Variants in CDIN1 observed in about 807,000 individuals in gnomAD.
CDIN1 encodes CDAN1 interacting nuclease 1.
CDIN1 carries 33 observed loss-of-function variants against 45.3 expected under a neutral mutation model. The ratio of observed to expected loss-of-function variants is 0.73; its 90% confidence interval spans 0.55 to 0.97. The LOEUF (loss-of-function observed/expected upper bound fraction) is 0.97. Among genes scored for constraint, CDIN1 ranks in the 50% least tolerant of loss-of-function variants. The pLI, the probability that CDIN1 is intolerant of heterozygous loss-of-function variation, is 0.00. For missense variants in CDIN1, 303 were observed against 339.4 expected (o/e 0.89, Z 0.84); for synonymous variants, 118 against 124.4 (o/e 0.95, Z 0.34).
chr15:36,639,861 T>C (rs1416477489), intron 1 of CDIN1, among the ~76,000 whole-genome samples: 2 of 152,298 alleles, frequency 1.3e-5, no homozygotes, highest in East Asian at 3.9e-4. Flanking sequence ...TTTTTTTTTA[T>C]AGTTGATTAC....
intron 10 of CDIN1, among the ~76,000 whole-genome samples, chr15:36,786,829 G>C (rs1369242329): frequency 1.3e-5 from 2 of 152,066 alleles, no homozygotes; most frequent in African/African-American, 2.4e-5. Flanking sequence ...GAGATGTCTT[G>C]CTCCTTATCC....
At chr15:36,594,069 T>A (rs2037707165) in intron 1 of CDIN1, among the ~76,000 whole-genome samples, 1 of 152,212 alleles carries the variant, frequency 6.6e-6, no homozygotes, top group African/African-American at 2.4e-5. Flanking sequence ...TTTTTGCAGT[T>A]CTGCTAATCA....
intron 1 of CDIN1, among the ~76,000 whole-genome samples, chr15:36,585,929 G>A (rs6495847): frequency 0.36 from 55,401 of 151,864 alleles, 10,260 homozygotes; most frequent in Middle Eastern, 0.46. Context: ...AACCTGTACT[G>A]TGACTCACAA....
intron 1 of CDIN1, among the ~76,000 whole-genome samples, chr15:36,591,446 T>C (rs12441787): frequency 0.58 from 88,218 of 152,068 alleles, 25,876 homozygotes; most frequent in Middle Eastern, 0.68. Flanking sequence ...AAAAAGCCCA[T>C]AGACTCTTCC....
intron 1 of CDIN1, among the ~76,000 whole-genome samples, chr15:36,609,671 C>T (rs1475359215): frequency 6.6e-6 from 1 of 152,192 alleles, no homozygotes; most frequent in Non-Finnish European, 1.5e-5. Context: ...CATCACCTTT[C>T]CTGGGCCAGA....
chr15:36,618,106 C>T, intron 1 of CDIN1: 2 of 736,652 alleles, frequency 2.7e-6, no homozygotes, highest in Non-Finnish European at 2.5e-6. Context: ...CACCACTGGC[C>T]CGCTTTCCCA....
rs1207811025 is a variant in CDIN1 at position 36,592,233 on chromosome 15, TTCC to T, written c.101+12273_101+12275del. 1.9e-4 allele frequency among the ~76,000 whole-genome samples: 29 copies of T among 152,332 alleles called. No individual in the cohort carries two copies. In the East Asian group the frequency reaches 5.4e-3, roughly 28 times the overall value. On this transcript the variant is annotated intron_variant, in intron 1 of 10. Transcript: ENST00000566621. Reference sequence around the variant, plus strand: ...TACAGCCAGTGGATGCTGGTGCTCTTTCCAGCTTGTGAGAGCTGATGGTGAGCA... The same window carrying T: ...TACAGCCAGTGGATGCTGGTGCTCTTAGCTTGTGAGAGCTGATGGTGAGCA...
chr15:36,654,511 G>GA (rs2040703022), intron 4 of CDIN1, among the ~76,000 whole-genome samples: 1 of 76,358 alleles, frequency 1.3e-5, no homozygotes. Flanking sequence ...AGAGATGGAT[G>GA]CCAAAAAAAA....
intron 10 of CDIN1, among the ~76,000 whole-genome samples, chr15:36,786,774 G>A (rs1376937764): frequency 6.6e-6 from 1 of 151,916 alleles, no homozygotes; most frequent in Non-Finnish European, 1.5e-5. Context: ...TCCATCTCTG[G>A]GGTGTAACTG....
At chr15:36,595,897 C>T (rs2037802852) in intron 1 of CDIN1, among the ~76,000 whole-genome samples, 1 of 152,222 alleles carries the variant, frequency 6.6e-6, no homozygotes, top group African/African-American at 2.4e-5. Flanking sequence ...GACGGCATAT[C>T]ATCAGTAACT....
intron 10 of CDIN1, among the ~76,000 whole-genome samples, chr15:36,800,913 A>ATATATATATATG (rs2055018628): frequency 1.4e-5 from 1 of 71,838 alleles, no homozygotes; most frequent in East Asian, 4.7e-4. Context: ...GTGTGTGTAT[A>ATATATATATATG]TATATATATA....
At chr15:36,658,744 A>G (rs183001356) in intron 5 of CDIN1, among the ~76,000 whole-genome samples, 308 of 152,336 alleles carry the variant, frequency 2.0e-3, no homozygotes, top group African/African-American at 6.3e-3. Flanking sequence ...AGTAGAAGAT[A>G]ATACCTGCTA....
At chr15:36,659,356 A>C (rs1380315626) in intron 5 of CDIN1, among the ~76,000 whole-genome samples, 2 of 152,186 alleles carry the variant, frequency 1.3e-5, no homozygotes, top group Non-Finnish European at 2.9e-5. Context: ...TTTGATGTGT[A>C]CTGTATATCA....
At chr15:36,797,851 A>ATG (rs1185405192) in intron 10 of CDIN1, among the ~76,000 whole-genome samples, 2 of 151,668 alleles carry the variant, frequency 1.3e-5, no homozygotes, top group African/African-American at 4.8e-5. Flanking sequence ...ATGGTGGTGC[A>ATG]TGCCTGTAGT....
intron 1 of CDIN1, among the ~76,000 whole-genome samples, chr15:36,624,088 T>G (rs2039316896): frequency 6.6e-6 from 1 of 152,194 alleles, no homozygotes; most frequent in Non-Finnish European, 1.5e-5. Context: ...GAGCACCTAC[T>G]CTTTATTAGA....
At chr15:36,602,873 A>G (rs1405301908) in intron 1 of CDIN1, among the ~76,000 whole-genome samples, 1 of 152,130 alleles carries the variant, frequency 6.6e-6, no homozygotes, top group Non-Finnish European at 1.5e-5. Context: ...CTGTAGTCCC[A>G]GCTACTTGGG....
At chr15:36,669,214 A>G (rs919205672) in intron 5 of CDIN1, 1 of 152,112 alleles carries the variant, frequency 6.6e-6, no homozygotes, top group African/African-American at 2.4e-5. Flanking sequence ...ACAACAGCAT[A>G]TGTTTAGATC....
intron 1 of CDIN1, among the ~76,000 whole-genome samples, chr15:36,595,566 A>G (rs564189838): frequency 6.2e-4 from 94 of 152,244 alleles, no homozygotes; most frequent in African/African-American, 2.2e-3. Flanking sequence ...TGAAACAACA[A>G]ATAGTTGAGG....
At chr15:36,746,023 A>G (rs1156560591) in intron 10 of CDIN1, among the ~76,000 whole-genome samples, 1 of 152,210 alleles carries the variant, frequency 6.6e-6, no homozygotes, top group Non-Finnish European at 1.5e-5. Context: ...ACAGAAATAT[A>G]TACAAAAAAC....
Sources: allele counts gnomAD v4.1 joint callset (sites outside exome capture counted in the v4.1 genomes callset), GRCh38; gene constraint gnomAD v4.1.1; transcripts MANE v1.5; gene names NCBI Gene and HGNC (gene_info 2026-07-23, HGNC 2026-07-21).